The following XKR6 variants were observed in gnomAD, a reference collection of about 807,000 sequenced individuals.
The protein encoded by XKR6 is XK related 6.
Under a neutral mutation model 56.7 loss-of-function variants are expected in XKR6, and 22 were observed. That is an observed-to-expected ratio of 0.39 (90% CI 0.28 to 0.55). The LOEUF is 0.55. Among genes scored for constraint, XKR6 ranks in the 20% least tolerant of loss-of-function variants. The pLI, the probability that XKR6 is intolerant of heterozygous loss-of-function variation, is 0.66. For synonymous variants in XKR6, 524 were observed against 387.8 expected, an observed-to-expected ratio of 1.35 and a Z score of -4.13; for missense variants, 852 against 889.0, an observed-to-expected ratio of 0.96 and a Z score of 0.53.
At chr8:11,046,476 A>G (rs1799413799) in intron 1 of XKR6, among the ~76,000 whole-genome samples, 1 of 152,220 alleles carries the variant, frequency 6.6e-6, no homozygotes. Flanking sequence ...TGTACCCTTT[A>G]TATGAACATT....
chr8:10,898,661 G>C lies in XKR6; in HGVS notation c.1217C>G (p.Thr406Arg). ...AMAFWIIHGG[T>R]DFCMSKWEEI... The stretch of plus-strand genomic sequence containing the variant: ...CTCCCACTTGGACATGCAGAAGTCT[G>C]TTCCGCCATGGATGATCCAGAAGGC... Residue 406 changes from threonine to arginine, a missense_variant, in exon 3 of 3, where the codon ACA becomes AGA. Physicochemically the swap from Thr to Arg is moderately conservative, Grantham distance 71. Transcript: ENST00000416569. This position sits in a 1 kb window ranked among gnomAD's most constrained non-coding sequence, Gnocchi z 6.6. 1 of 1,614,124 alleles carries C rather than the reference G, an allele frequency of 6.2e-7. No individual in the cohort carries two copies.
At position 11,051,571 on chromosome 8, in the gene XKR6, C is replaced by T. The variant is rs374551100; in HGVS notation, c.765-126741G>A. 4.2e-3 allele frequency among the ~76,000 whole-genome samples: 635 copies of T among 152,294 alleles called. 9 individuals are homozygous for T. Among genetic ancestry groups the T allele is most frequent in the African/African-American group, 0.015 (609 of 41,556 alleles). On this transcript the variant is annotated intron_variant, in intron 1 of 2. Transcript: ENST00000416569. ...CCAAAAAAATAAGGCAAATCTTTGG[C>T]TCCTCTTTTCCTCACGCCCCATGCC...
chr8:11,102,571 A>C (rs1489349086), intron 1 of XKR6, among the ~76,000 whole-genome samples: 1 of 152,168 alleles, frequency 6.6e-6, no homozygotes, highest in Non-Finnish European at 1.5e-5. Context: ...TGATCTTTTC[A>C]ATAATTCAGC....
intron 1 of XKR6, among the ~76,000 whole-genome samples, chr8:11,068,232 G>A (rs966133819): frequency 1.4e-4 from 22 of 152,142 alleles, no homozygotes; most frequent in African/African-American, 4.6e-4. Context: ...TCAGACCGTC[G>A]GAGATAAGGG....
intron 1 of XKR6, among the ~76,000 whole-genome samples, chr8:11,097,848 T>C (rs896213863): frequency 6.9e-6 from 1 of 144,290 alleles, no homozygotes; most frequent in African/African-American, 2.7e-5. Context: ...TGTAAAGTAT[T>C]ACTAAATACA....
chr8:10,929,829 G>A (rs1033767645), intron 1 of XKR6, among the ~76,000 whole-genome samples: 1 of 152,144 alleles, frequency 6.6e-6, no homozygotes, highest in African/African-American at 2.4e-5. Flanking sequence ...GCTCCCTGAG[G>A]TGCCCTGTTC....
chr8:11,198,491 T>C (rs567588309), intron 1 of XKR6, among the ~76,000 whole-genome samples: 1 of 150,376 alleles, frequency 6.6e-6, no homozygotes, highest in South Asian at 2.1e-4. Context: ...GCACTTTATA[T>C]CAATGCAGAG....
chr8:10,990,374 A>G (rs1054630774), intron 1 of XKR6, among the ~76,000 whole-genome samples: 1 of 152,188 alleles, frequency 6.6e-6, no homozygotes, highest in African/African-American at 2.4e-5. Context: ...GGAGCTGTCC[A>G]TGGTCACAAC....
intron 1 of XKR6, among the ~76,000 whole-genome samples, chr8:11,174,810 C>G (rs1001889007): frequency 9.2e-5 from 14 of 152,132 alleles, no homozygotes; most frequent in African/African-American, 3.4e-4. Context: ...TCCACAGCAC[C>G]AGAGAAGCAC....
chr8:11,109,226 C>G (rs1297096200), intron 1 of XKR6: 1 of 152,164 alleles, frequency 6.6e-6, no homozygotes, highest in Admixed American at 6.5e-5. Context: ...TAGGAAGTTT[C>G]TAGGAAGCAA....
chr8:11,155,158 T>A (rs1376297073), intron 1 of XKR6, among the ~76,000 whole-genome samples: 1 of 152,220 alleles, frequency 6.6e-6, no homozygotes, highest in Admixed American at 6.5e-5. Context: ...TTTTACAAGC[T>A]CATTTTATCA....
At chr8:10,995,975 A>G (rs1365272526) in intron 1 of XKR6, among the ~76,000 whole-genome samples, 1 of 152,134 alleles carries the variant, frequency 6.6e-6, no homozygotes, top group East Asian at 1.9e-4. Context: ...TTGGGCCTCC[A>G]TTTCCTTGTT....
chr8:11,026,843 A>G (rs36088662), intron 1 of XKR6, among the ~76,000 whole-genome samples: 18,027 of 144,874 alleles, frequency 0.12, 1,526 homozygotes, highest in African/African-American at 0.25. Context: ...ACACCTAGAT[A>G]GCCTAGCCTA....
At chr8:10,970,740 T>A (rs1802384778) in intron 1 of XKR6, among the ~76,000 whole-genome samples, 1 of 151,608 alleles carries the variant, frequency 6.6e-6, no homozygotes, top group Non-Finnish European at 1.5e-5. Flanking sequence ...GAACTACCTT[T>A]ACTGGGATAA....
chr8:10,965,817 C>T (rs10112255), intron 1 of XKR6, among the ~76,000 whole-genome samples: 14,008 of 152,278 alleles, frequency 0.092, 1,288 homozygotes, highest in African/African-American at 0.24. Flanking sequence ...GTTCACACAA[C>T]GGAGAGGAGC....
intron 1 of XKR6, among the ~76,000 whole-genome samples, chr8:11,127,376 T>C (rs1799862427): frequency 1.3e-5 from 2 of 152,244 alleles, no homozygotes; most frequent in Non-Finnish European, 2.9e-5. Flanking sequence ...ATTTCAGTAT[T>C]AGTTTCACTA....
intron 1 of XKR6, among the ~76,000 whole-genome samples, chr8:11,160,911 CAAAAAAAAAAA>C (rs33931830): frequency 2.7e-4 from 17 of 63,788 alleles, no homozygotes; most frequent in Admixed American, 2.6e-3. Flanking sequence ...GACTCCGTCT[CAAAAAAAAAAA>C]AAAAAAAAAG....
intron 2 of XKR6, among the ~76,000 whole-genome samples, chr8:10,912,207 G>T (rs1383169679): frequency 6.8e-6 from 1 of 146,988 alleles, no homozygotes; most frequent in Non-Finnish European, 1.5e-5. Context: ...GATGGTGTGT[G>T]TGTGTATATA....
At chr8:10,946,040 C>T (rs748200248) in intron 1 of XKR6, among the ~76,000 whole-genome samples, 8 of 151,956 alleles carry the variant, frequency 5.3e-5, no homozygotes, top group South Asian at 2.1e-4. Context: ...TGCTTTTCAG[C>T]GTGGAGTTGT....
Sources: allele counts gnomAD v4.1 joint callset (sites outside exome capture counted in the v4.1 genomes callset), GRCh38; gene constraint gnomAD v4.1.1; non-coding constraint Gnocchi (gnomAD v3.1); transcripts MANE v1.5; gene names NCBI Gene and HGNC (gene_info 2026-07-23, HGNC 2026-07-21).